TMEM258: variants seen among roughly 807,000 people sequenced by gnomAD.
TMEM258 encodes dolichyl-diphosphooligosaccharide--protein glycosyltransferase subunit TMEM258.
A neutral mutation model predicts 9.9 loss-of-function variants in TMEM258; 11 were observed. The observed-to-expected ratio is 1.11, with a 90% CI of 0.70 to 1.85. The LOEUF is 1.85. TMEM258 is among the 40% of genes most tolerant of loss of function. TMEM258 has a pLI of 0.00. For missense variants in TMEM258, 81 were observed against 99.7 expected, an observed-to-expected ratio of 0.81 and a Z score of 0.80; for synonymous variants, 40 against 39.1, an observed-to-expected ratio of 1.02 and a Z score of -0.09.
chr11:61,790,163 A>G, intron 2 of TMEM258: 1 of 577,388 alleles, frequency 1.7e-6, no homozygotes, highest in Non-Finnish European at 3.0e-6. Context: ...TGAGGGCCGG[A>G]GCTGGGACTA....
chr11:61,792,194 C>T (rs2066789516), intron 1 of TMEM258: 2 of 331,630 alleles, frequency 6.0e-6, no homozygotes, highest in Non-Finnish European at 1.2e-5. Flanking sequence ...GAAAGTCTGG[C>T]CAAGTGCCTG....
rs537812590 is a variant in TMEM258 at position 61,790,227 on chromosome 11, C to G, written c.113+266G>C. The G allele has an allele frequency of 1.0e-4, 58 of 571,772 alleles. No individual in the cohort carries two copies. In the African/African-American group the frequency reaches 1.0e-3, roughly 10 times the overall value. The allele number at this position is 571,772 out of a possible 1,614,324, so 35.4% of individuals were successfully genotyped here. ...ACCCTTCCTTATACCACCTTTCCAA[C>G]TGTAGCACCCCTATTCCCCACCTCC... On this transcript the variant is annotated intron_variant, in intron 2 of 3. Coordinates refer to ENST00000537328, the MANE Select transcript of TMEM258 (RefSeq NM_014206.4).
intron 1 of TMEM258, among the ~76,000 whole-genome samples, chr11:61,790,837 A>C (rs150469802): frequency 9.9e-5 from 15 of 152,256 alleles, no homozygotes; most frequent in African/African-American, 3.4e-4. Flanking sequence ...CATACAAGAA[A>C]AAGTTTGCCT....
At position 61,790,539 on chromosome 11, in the gene TMEM258, C is replaced by T. The variant is rs764740554; in HGVS notation, c.67G>A (p.Val23Met). 1.6e-5 allele frequency: 26 copies of T among 1,614,010 alleles called. No homozygotes were observed. The highest frequency in any genetic ancestry group is 6.7e-5 in the East Asian group (3 of 44,894). ...VNPAVFPHLT[V>M]VLLAIGMFFT... ...AACATGCCAATGGCCAAAAGCACCA[C>T]GGTCAGATGGGGGAAGACAGCTGGG... The change falls in exon 2 of 4, where the codon GTG (valine) becomes ATG (methionine). Residue 23 changes from valine (V) to methionine (M), a missense_variant. Transcript: ENST00000537328.
chr11:61,792,589 G>A lies in TMEM258; in HGVS notation c.-31C>T. 2 of 1,613,312 alleles carry A rather than the reference G, an allele frequency of 1.2e-6. No homozygotes were observed. The highest frequency in any genetic ancestry group is 2.2e-5 in the East Asian group (1 of 44,882). On this transcript the variant is annotated 5_prime_UTR_variant, in exon 1 of 4. Transcript: ENST00000537328. ...CCCGCGAAGGCTAATCCGCCGCTCC[G>A]CCACCGGAAGAACACGTCGGCAGGA...
intron 2 of TMEM258, 132 bp from the exon 3 acceptor site, chr11:61,790,053 C>T: frequency 8.7e-7 from 1 of 1,144,844 alleles, no homozygotes; most frequent in Non-Finnish European, 1.2e-6. Flanking sequence ...AGCAGCCAGG[C>T]AGAGGGGCCT....
chr11:61,790,445 T>G (rs1326638633), intron 2 of TMEM258, 48 bp downstream of exon 2: 1 of 1,559,510 alleles, frequency 6.4e-7, no homozygotes, highest in Non-Finnish European at 8.8e-7. Flanking sequence ...CTCCCTGAGC[T>G]TCCCACATCA....
chr11:61,792,466 A>C, intron 1 of TMEM258, 90 bp downstream of exon 1: 1 of 1,582,126 alleles, frequency 6.3e-7, no homozygotes, highest in African/African-American at 1.3e-5. Context: ...AGCCCTCTGG[A>C]TCTCCGGCGT....
In TMEM258 at chr11:61,790,577, G is replaced by A. The variant is rs1474284027; in HGVS notation, c.29C>T (p.Thr10Ile). 6.2e-7 allele frequency: 1 copy of A among 1,614,066 alleles called. No homozygotes were observed. Among genetic ancestry groups the A allele is most frequent in the Admixed American group, 1.7e-5 (1 of 60,002 alleles). Residue 10 changes from threonine (T) to isoleucine (I), a missense_variant, in exon 2 of 4, where the codon ACC (threonine) becomes ATC (isoleucine). Coordinates refer to ENST00000537328, the MANE Select transcript of TMEM258 (RefSeq NM_014206.4). ...GAAGACAGCTGGGTTCACTGGGCTG[G>A]TATATCTGCTCATGGCCTCGAGCTC... Reference protein sequence around the residue: MELEAMSRYTSPVNPAVFPH... With the variant: MELEAMSRYISPVNPAVFPH...
In TMEM258 at chr11:61,792,282, C is replaced by T. The variant is rs2066790109; in HGVS notation, c.3+274G>A. ...GCACGGGTTCGGCAGAAGAACTTTC[C>T]AAATAAAGATAACACACCACCGATA... On this transcript the variant is annotated intron_variant, in intron 1 of 3. Transcript: ENST00000537328. 5.8e-6 allele frequency: 3 copies of T among 521,144 alleles called. No homozygotes were observed. The East Asian group carries it at 1.0e-4, about 17-fold the overall frequency. The allele number at this position is 521,144 out of a possible 1,614,324, so 32.3% of individuals were successfully genotyped here. A position where few individuals can be genotyped will look rare whatever the true frequency, so the allele number is the denominator to read the frequency against.
intron 1 of TMEM258, chr11:61,792,162 C>A: frequency 3.3e-6 from 1 of 299,678 alleles, no homozygotes. Context: ...GAGATCTGTA[C>A]AGAGGCTGTG....
chr11:61,790,312 T>C (rs1366962348), intron 2 of TMEM258, 181 bp downstream of exon 2: 13 of 639,462 alleles, frequency 2.0e-5, no homozygotes, highest in Non-Finnish European at 3.6e-5. Flanking sequence ...TGAGCTCACC[T>C]GAACTTGGGA....
Sources: allele counts gnomAD v4.1 joint callset (sites outside exome capture counted in the v4.1 genomes callset), GRCh38; gene constraint gnomAD v4.1.1; transcripts MANE v1.5; gene names NCBI Gene and HGNC (gene_info 2026-07-23, HGNC 2026-07-21).